Variants in GATA4 observed in about 807,000 individuals in gnomAD.
GATA4 encodes transcription factor GATA-4.
A neutral mutation model predicts 37.9 loss-of-function variants in GATA4; 7 were observed. That is an observed-to-expected ratio of 0.18 (90% confidence interval 0.11 to 0.35). The LOEUF (loss-of-function observed/expected upper bound fraction) is 0.35, where lower values mean the gene tolerates loss of function less well. Ranked by LOEUF, GATA4 falls within the 10% of genes least tolerant of loss-of-function variation. GATA4 has a pLI of 1.00. For missense variants in GATA4, 647 were observed against 653.0 expected, an observed-to-expected ratio of 0.99 and a Z score of 0.10; for synonymous variants, 372 against 292.6, an observed-to-expected ratio of 1.27 and a Z score of -2.77.
intron 2 of GATA4, among the ~76,000 whole-genome samples, chr8:11,733,249 C>T (rs1441375570): frequency 2.0e-5 from 3 of 152,080 alleles, no homozygotes; most frequent in African/African-American, 7.2e-5. Flanking sequence ...TTAACACAGT[C>T]TCAGGAAACA....
chr8:11,746,517 C>T (rs904006), intron 2 of GATA4, among the ~76,000 whole-genome samples: 126,552 of 152,254 alleles, frequency 0.83, 53,217 homozygotes, highest in East Asian at 1. Context: ...TAGCGCCACC[C>T]AGTGTTTATT....
In GATA4 at chr8:11,708,344, A is replaced by G. The variant is rs1585594672; in HGVS notation, c.32A>G (p.His11Arg). 2 of 1,582,024 alleles carry G rather than the reference A, an allele frequency of 1.3e-6. No individual in the cohort carries two copies. The highest frequency in any genetic ancestry group is 2.3e-5 in the East Asian group (1 of 44,200). Reference sequence around the variant, plus strand: ...CAGAGCTTGGCCATGGCCGCCAACCACGGGCCGCCCCCCGGTGCCTACGAG... The same window carrying G: ...CAGAGCTTGGCCATGGCCGCCAACCGCGGGCCGCCCCCCGGTGCCTACGAG... MYQSLAMAAN[H>R]GPPPGAYEAG... The change falls in exon 2 of 7, where the codon CAC becomes CGC. Residue 11 changes from histidine (H) to arginine (R), a missense_variant. His to Arg is a conservative substitution (Grantham distance 29). Transcript: ENST00000532059. This position sits in a 1 kb window ranked among gnomAD's most constrained non-coding sequence, Gnocchi z 6.7.
At chr8:11,724,103 A>T (rs1800804925) in intron 2 of GATA4, among the ~76,000 whole-genome samples, 1 of 152,032 alleles carries the variant, frequency 6.6e-6, no homozygotes, top group African/African-American at 2.4e-5. Flanking sequence ...TAGTGTCTTC[A>T]AGGTTTCTCC....
At chr8:11,735,224 A>C (rs1404390425) in intron 2 of GATA4, among the ~76,000 whole-genome samples, 1 of 152,220 alleles carries the variant, frequency 6.6e-6, no homozygotes, top group Non-Finnish European at 1.5e-5. Flanking sequence ...GAAATATTTC[A>C]TATTTTTTAA....
intron 2 of GATA4, among the ~76,000 whole-genome samples, chr8:11,731,970 T>G (rs1021886629): frequency 1.3e-5 from 2 of 152,222 alleles, no homozygotes; most frequent in Non-Finnish European, 2.9e-5. Flanking sequence ...CTCAGTGTTA[T>G]CCTGCTATCA....
intron 2 of GATA4, among the ~76,000 whole-genome samples, chr8:11,720,275 G>A (rs1800612459): frequency 6.6e-6 from 1 of 151,886 alleles, no homozygotes; most frequent in African/African-American, 2.4e-5. Context: ...AGTCATTCAG[G>A]CTGACTTTGT....
At chr8:11,727,622 C>T (rs1184809322) in intron 2 of GATA4, among the ~76,000 whole-genome samples, 3 of 152,036 alleles carry the variant, frequency 2.0e-5, no homozygotes, top group Admixed American at 2.0e-4. Flanking sequence ...GCAGGCAGAT[C>T]GCTTGAGCTC....
At chr8:11,754,623 T>C (rs1185813266) in intron 4 of GATA4, among the ~76,000 whole-genome samples, 15 of 152,198 alleles carry the variant, frequency 9.9e-5, no homozygotes, top group Admixed American at 9.8e-4. Flanking sequence ...CAAAACCTTT[T>C]ACAAACTCAG....
intron 1 of GATA4, chr8:11,697,835 A>T: frequency 4.1e-6 from 4 of 985,402 alleles, no homozygotes; most frequent in Non-Finnish European, 4.8e-6. Flanking sequence ...CGTTCCGGCC[A>T]CCACGGGGCG....
chr8:11,738,341 C>T (rs1481175094), intron 2 of GATA4, among the ~76,000 whole-genome samples: 1 of 151,898 alleles, frequency 6.6e-6, no homozygotes, highest in African/African-American at 2.4e-5. Context: ...TCTTGTCTGT[C>T]CTCCTAAAAA....
rs530878594 is a variant in GATA4 at position 11,749,487 on chromosome 8, A to G, written c.786+402A>G. Among the ~76,000 whole-genome samples, 2 of 152,196 alleles carry G rather than the reference A, an allele frequency of 1.3e-5. No homozygotes were observed. The highest frequency in any genetic ancestry group is 2.9e-5 in the Non-Finnish European group (2 of 68,032). On this transcript the variant is annotated intron_variant, in intron 3 of 6. Transcript: ENST00000532059. This position sits in a 1 kb window ranked among gnomAD's most constrained non-coding sequence, Gnocchi z 4.6. ...AGAGGCTGGTCTCTACCCTGACCTC[A>G]GTTGATCAGTTGATAAATCCCAAAG... is the stretch of plus-strand genomic sequence containing the variant.
chr8:11,679,907 T>A (rs1798899432), intron 1 of GATA4, among the ~76,000 whole-genome samples: 1 of 152,220 alleles, frequency 6.6e-6, no homozygotes, highest in Non-Finnish European at 1.5e-5. Context: ...TGAATTTTAA[T>A]CCCTGTTGTG....
intron 2 of GATA4, among the ~76,000 whole-genome samples, chr8:11,735,322 G>C (rs1165593859): frequency 6.6e-6 from 1 of 152,236 alleles, no homozygotes; most frequent in Non-Finnish European, 1.5e-5. Context: ...GAAGTATATA[G>C]ATTAATTGGA....
At chr8:11,694,392 C>G (rs1279010595) in intron 1 of GATA4, 1 of 700,902 alleles carries the variant, frequency 1.4e-6, no homozygotes, top group African/African-American at 1.9e-5. Flanking sequence ...CAAGGCCTTC[C>G]TCTGTAAGGT....
intron 4 of GATA4, among the ~76,000 whole-genome samples, chr8:11,754,739 G>A (rs546549358): frequency 2.0e-5 from 3 of 152,210 alleles, no homozygotes; most frequent in East Asian, 1.9e-4. Context: ...TTACATCACC[G>A]ACCAGAGTCT....
intron 5 of GATA4, 61 bp from the exon 6 acceptor site, chr8:11,756,874 C>T: frequency 1.2e-6 from 2 of 1,612,386 alleles, no homozygotes; most frequent in Non-Finnish European, 1.7e-6. Context: ...GTCTCGCAGG[C>T]TGCCGGCTGT....
intron 1 of GATA4, among the ~76,000 whole-genome samples, chr8:11,677,853 T>C (rs1468424588): frequency 6.6e-6 from 1 of 151,966 alleles, no homozygotes; most frequent in Non-Finnish European, 1.5e-5. Flanking sequence ...GTAGTTTTCT[T>C]CCCCAGGCCC....
intron 1 of GATA4, chr8:11,692,918 C>G: frequency 1.0e-6 from 1 of 984,404 alleles, no homozygotes. Flanking sequence ...GCCTGGGGTT[C>G]CGCGGCGGCC....
chr8:11,737,102 A>T (rs1242863367), intron 2 of GATA4, among the ~76,000 whole-genome samples: 1 of 152,096 alleles, frequency 6.6e-6, no homozygotes, highest in African/African-American at 2.4e-5. Flanking sequence ...ATGTAAAGTG[A>T]TGGCGATTGG....
Sources: gnomAD v4.1 joint callset for allele counts (sites outside exome capture counted in the v4.1 genomes callset) on GRCh38, gnomAD v4.1.1 for gene constraint, Gnocchi (gnomAD v3.1) non-coding constraint, MANE v1.5 for transcripts, NCBI Gene and HGNC (gene_info 2026-07-23, HGNC 2026-07-21) for gene names.